Variants in DROSHA observed in about 807,000 individuals in gnomAD.
DROSHA encodes ribonuclease 3.
DROSHA carries 56 observed loss-of-function variants against 181.9 expected under a neutral mutation model. That is an observed-to-expected ratio of 0.31 (90% CI 0.25 to 0.38). DROSHA has a LOEUF of 0.38. Among genes scored for constraint, DROSHA ranks in the 10% least tolerant of loss-of-function variants. The probability of loss-of-function intolerance (pLI) is 1.00; values close to 1 mark genes in which losing one functional copy is unlikely to be tolerated. For missense variants in DROSHA, 1,218 were observed against 1,743.5 expected (o/e 0.70, Z 5.37); for synonymous variants, 524 against 591.2 (o/e 0.89, Z 1.65).
intron 5 of DROSHA, 113 bp from the exon 6 acceptor site, chr5:31,521,328 C>T (rs1442234166): frequency 3.7e-6 from 4 of 1,093,274 alleles, no homozygotes; most frequent in Non-Finnish European, 5.4e-6. Flanking sequence ...ATTTTTCAGG[C>T]ACTGTTCACT....
At position 31,508,738 on chromosome 5, in the gene DROSHA, G is replaced by A. The variant is rs1385897566; in HGVS notation, c.1470C>T (p.Asp490=). The change falls in exon 10 of 36, where the codon GAC becomes GAT. Residue 490 remains aspartate, a synonymous_variant. Coordinates refer to ENST00000344624, the MANE Select transcript of DROSHA (RefSeq NM_001382508.1). ...AGTCTGAGCTGCTAGAACAGGTGCT[G>A]TCCTCATCAGACTCACACTCGGATT... ...SSESECESDE[D]STCSSSSDSE... 1.9e-6 allele frequency: 3 copies of A among 1,613,686 alleles called. No homozygotes were observed. Among genetic ancestry groups the A allele is most frequent in the Non-Finnish European group, 1.7e-6 (2 of 1,179,868 alleles).
chr5:31,406,945 C>T lies in DROSHA; in HGVS notation c.3855G>A (p.Lys1285=). The T allele has an allele frequency of 1.9e-6, 3 of 1,612,748 alleles. No individual in the cohort carries two copies. The highest frequency in any genetic ancestry group is 2.5e-6 in the Non-Finnish European group (3 of 1,179,258). The change falls in exon 34 of 36, where the codon AAG becomes AAA. Residue 1285 remains lysine (K), a splice_region_variant and synonymous_variant. Coordinates refer to ENST00000344624, the MANE Select transcript of DROSHA (RefSeq NM_001382508.1). ...GGGATGGGCCCACTGTCTGCAGAGT[C>T]CTGAAAGGGAAAGGAAAGAACATTT... is the stretch of plus-strand genomic sequence containing the variant. The part of the protein sequence containing the change: ...EGKEPDIPLY[K]TLQTVGPSHA...
Position 31,466,385 on chromosome 5 carries a change from C to A in DROSHA, c.2367-104G>T, listed in dbSNP as rs1403149180. ...GCCTCTTCAAATCATACATTACATT[C>A]TTTTGATTATTCTTAATGGCAGAAA... is the stretch of plus-strand genomic sequence containing the variant. On this transcript the variant is annotated intron_variant, in intron 18 of 35. Transcript: ENST00000344624. 7.6e-6 allele frequency: 7 copies of A among 917,190 alleles called. No homozygotes were observed. In the African/African-American group the frequency reaches 1.2e-4, roughly 15 times the overall value. The allele number at this position is 917,190 out of a possible 1,614,324, so 56.8% of individuals were successfully genotyped here. A position where few individuals can be genotyped will look rare whatever the true frequency, so the allele number is the denominator to read the frequency against.
At chr5:31,481,508 C>T (rs1006411424) in intron 16 of DROSHA, among the ~76,000 whole-genome samples, 1 of 152,150 alleles carries the variant, frequency 6.6e-6, no homozygotes, top group Non-Finnish European at 1.5e-5. Flanking sequence ...CACTCTAACA[C>T]CATTTTCTAA....
At chr5:31,417,894 A>G (rs1742149092) in intron 30 of DROSHA, among the ~76,000 whole-genome samples, 2 of 152,152 alleles carry the variant, frequency 1.3e-5, no homozygotes, top group Non-Finnish European at 1.5e-5. Context: ...GAGTTGACAT[A>G]GGAAGACCAG....
In DROSHA at chr5:31,511,029, A is replaced by G. The variant is rs773052456; in HGVS notation, c.1432+6T>C. The G allele has an allele frequency of 1.2e-6, 2 of 1,613,768 alleles. No homozygotes were observed. Among genetic ancestry groups the G allele is most frequent in the Admixed American group, 3.3e-5 (2 of 59,996 alleles). ...GGTCTCAGGCTAGTTAGTGACTCTG[A>G]CTCACCTAAATCTTCATCGAGCTTC... On this transcript the variant is annotated splice_donor_region_variant and intron_variant, in intron 9 of 35. Coordinates refer to ENST00000344624, the MANE Select transcript of DROSHA (RefSeq NM_001382508.1).
At chr5:31,421,917 C>CGTGTGT (rs1280180021) in intron 29 of DROSHA, 1 of 75,188 alleles carries the variant, frequency 1.3e-5, no homozygotes, top group Non-Finnish European at 2.4e-5. Flanking sequence ...AAAAATTAGC[C>CGTGTGT]GTGTGTGTGT....
intron 30 of DROSHA, among the ~76,000 whole-genome samples, chr5:31,420,162 G>A (rs1283965829): frequency 1.3e-5 from 2 of 152,076 alleles, no homozygotes; most frequent in Admixed American, 6.5e-5. Flanking sequence ...GCTCACTCAC[G>A]GTTACAAAGA....
Position 31,526,168 on chromosome 5 carries a change from A to C in DROSHA, c.765T>G (p.Ser255Arg). ...GGCTGTCTTGTCTTCTCCTGTCGGGACTGCGGCCTCGCTCCCGCCGATCCA... is the reference window on the plus strand; with the variant it reads ...GGCTGTCTTGTCTTCTCCTGTCGGGCCTGCGGCCTCGCTCCCGCCGATCCA... The part of the protein sequence containing the change: ...RSLDRRERGR[S>R]PDRRRQDSRY... The change falls in exon 5 of 36, where the codon AGT becomes AGG. Residue 255 changes from serine to arginine, a missense_variant. Around this residue, in one of 8 missense-constraint regions of DROSHA, gnomAD observed 536 missense variants for 535.4 expected, o/e 1.00. Coordinates refer to ENST00000344624, the MANE Select transcript of DROSHA (RefSeq NM_001382508.1). 2 of 1,612,972 alleles carry C rather than the reference A, an allele frequency of 1.2e-6. No individual in the cohort carries two copies. The highest frequency in any genetic ancestry group is 2.2e-5 in the East Asian group (1 of 44,830).
chr5:31,446,446 C>CAAAAAAAAAAAAAAAAA lies in DROSHA; in HGVS notation c.2882+2084_2882+2100dup, dbSNP rs60001713. On this transcript the variant is annotated intron_variant, in intron 23 of 35. Transcript: ENST00000344624. ...TGGGCGACAGAGCGAGACTCTGTCT[C>CAAAAAAAAAAAAAAAAA]AAAAAAAAAAAAAAAAAAAAGATTC... 1.0e-4 allele frequency among the ~76,000 whole-genome samples: 6 copies of CAAAAAAAAAAAAAAAAA among 59,348 alleles called. 1 individual carries two copies. The highest frequency in any genetic ancestry group is 1.4e-4 in the Non-Finnish European group (4 of 29,532). The allele number at this position is 59,348 out of a possible 152,430, so 38.9% of individuals were successfully genotyped here. A position where few individuals can be genotyped will look rare whatever the true frequency, so the allele number is the denominator to read the frequency against.
At chr5:31,410,631 T>C (rs1741196156) in intron 31 of DROSHA, 115 bp downstream of exon 31, 2 of 1,413,414 alleles carry the variant, frequency 1.4e-6, no homozygotes, top group Non-Finnish European at 1.9e-6. Flanking sequence ...AAAATTAAAA[T>C]AGCAAACAAG....
rs959582160 is a variant in DROSHA at position 31,467,859 on chromosome 5, C to T, written c.2366+80G>A. 5 of 1,517,428 alleles carry T rather than the reference C, an allele frequency of 3.3e-6. No homozygotes were observed. The African/African-American group carries it at 5.5e-5, about 17-fold the overall frequency. The allele number at this position is 1,517,428 out of a possible 1,614,324, so 94.0% of individuals were successfully genotyped here. A position where few individuals can be genotyped will look rare whatever the true frequency, so the allele number is the denominator to read the frequency against. On this transcript the variant is annotated intron_variant, in intron 18 of 35. Coordinates refer to ENST00000344624, the MANE Select transcript of DROSHA (RefSeq NM_001382508.1). ...TCTTAATTTTTAAAAAGGAAACATC[C>T]ACTAAAGGGTATTTCTCTGCTAATT...
chr5:31,471,271 G>A (rs1408729661), intron 17 of DROSHA, among the ~76,000 whole-genome samples: 2 of 152,004 alleles, frequency 1.3e-5, no homozygotes, highest in Admixed American at 6.6e-5. Flanking sequence ...CAACAGCTTT[G>A]TTAAGTAGAT....
chr5:31,502,763 G>A (rs1230411374), intron 11 of DROSHA, among the ~76,000 whole-genome samples: 2 of 152,240 alleles, frequency 1.3e-5, no homozygotes, highest in Non-Finnish European at 2.9e-5. Context: ...GTTGGCAAGA[G>A]TGGCTGAACC....
chr5:31,409,789 A>T lies in DROSHA; in HGVS notation c.3668-457T>A, dbSNP rs78137648. ...TAAATTTAATGAACAGAAATGGGGT[A>T]ATTTATAGATTCAATCTGCCCAAAA... is the stretch of plus-strand genomic sequence containing the variant. On this transcript the variant is annotated intron_variant, in intron 31 of 35. Transcript: ENST00000344624. The surrounding 1 kb of genome is among the most constrained non-coding windows in gnomAD (Gnocchi z 4.0). Among the ~76,000 whole-genome samples, 1 of 152,154 alleles carries T rather than the reference A, an allele frequency of 6.6e-6. No individual in the cohort carries two copies. The highest frequency in any genetic ancestry group is 2.4e-5 in the African/African-American group (1 of 41,438).
At chr5:31,447,895 T>A (rs1220541655) in intron 23 of DROSHA, among the ~76,000 whole-genome samples, 1 of 152,170 alleles carries the variant, frequency 6.6e-6, no homozygotes, top group Non-Finnish European at 1.5e-5. Context: ...ATCCCTGCTA[T>A]ATTGCTGCTG....
intron 27 of DROSHA, among the ~76,000 whole-genome samples, chr5:31,428,495 G>C (rs1743751915): frequency 6.6e-6 from 1 of 152,092 alleles, no homozygotes; most frequent in Non-Finnish European, 1.5e-5. Flanking sequence ...GACAAAAATG[G>C]GGGACACAGA....
chr5:31,493,935 C>T (rs1437448583), intron 12 of DROSHA, among the ~76,000 whole-genome samples: 1 of 89,476 alleles, frequency 1.1e-5, no homozygotes, highest in African/African-American at 5.3e-5. Context: ...TATAACCCAC[C>T]ATTGTGTGTG....
chr5:31,495,356 C>T lies in DROSHA; in HGVS notation c.1685G>A (p.Arg562His). 6.2e-7 allele frequency: 1 copy of T among 1,613,652 alleles called. No homozygotes were observed. Among genetic ancestry groups the T allele is most frequent in the Non-Finnish European group, 8.5e-7 (1 of 1,179,752 alleles). ...YPGEEAIKPCRPMTNNAGRLF... is the reference protein window; with the variant it reads ...YPGEEAIKPCHPMTNNAGRLF... ...TCTGCCAGCATTGTTGGTCATAGGA[C>T]GACAGGGCTTGATGGCCTGAGGGGA... Residue 562 changes from arginine (R) to histidine (H), a missense_variant, in exon 12 of 36, where the codon CGT becomes CAT. Arg to His is a conservative substitution (Grantham distance 29, BLOSUM62 0). Coordinates refer to ENST00000344624, the MANE Select transcript of DROSHA (RefSeq NM_001382508.1).
Sources: allele counts gnomAD v4.1 joint callset (sites outside exome capture counted in the v4.1 genomes callset), GRCh38; gene constraint gnomAD v4.1.1; regional missense constraint gnomAD v4.1.1; non-coding constraint Gnocchi (gnomAD v3.1); transcripts MANE v1.5; gene names NCBI Gene and HGNC (gene_info 2026-07-23, HGNC 2026-07-21).